CEP164: variants seen among roughly 807,000 people sequenced by gnomAD.
CEP164 encodes centrosomal protein of 164 kDa.
Under a neutral mutation model 182.7 loss-of-function variants are expected in CEP164, and 162 were observed. That is an observed-to-expected ratio of 0.89 (90% CI 0.78 to 1.01). The LOEUF (loss-of-function observed/expected upper bound fraction) is 1.01, where lower values mean the gene tolerates loss of function less well. CEP164 is among the 50% of genes least tolerant of loss of function. The pLI is 0.00. For missense variants in CEP164, 1,735 were observed against 1,790.4 expected, an observed-to-expected ratio of 0.97 and a Z score of 0.56; for synonymous variants, 661 against 690.0, an observed-to-expected ratio of 0.96 and a Z score of 0.66.
Position 117,378,974 on chromosome 11 carries a change from A to T in CEP164, c.1318-1640A>T, listed in dbSNP as rs561236742. 2.6e-5 allele frequency among the ~76,000 whole-genome samples: 4 copies of T among 152,046 alleles called. No individual in the cohort carries two copies. In the South Asian group the frequency reaches 8.3e-4, roughly 32 times the overall value. ...TACTATCACCCCCACTTCATTACTCATCTTATATTTTAGTTTGTTAAATGG... is the reference window on the plus strand; with the variant it reads ...TACTATCACCCCCACTTCATTACTCTTCTTATATTTTAGTTTGTTAAATGG... On this transcript the variant is annotated intron_variant, in intron 11 of 32. Transcript: ENST00000278935.
rs1323529877 is a variant in CEP164 at position 117,395,625 on chromosome 11, C to G, written c.2992C>G (p.Arg998Gly). Residue 998 changes from arginine to glycine, a missense_variant, in exon 24 of 33, where the codon CGA becomes GGA. Arg to Gly is a moderately radical substitution (Grantham distance 125). Transcript: ENST00000278935. ...CCTGTTGCAGTCAAACCAGCAGCTC[C>G]GAGAAATTCTTGATGAGCTGCAGGC... ...THLLQSNQQL[R>G]EILDELQARK... The G allele has an allele frequency of 1.2e-6, 2 of 1,613,918 alleles. No homozygotes were observed. Among genetic ancestry groups the G allele is most frequent in the Admixed American group, 1.7e-5 (1 of 60,020 alleles).
chr11:117,374,778 G>C (rs1157374093), intron 10 of CEP164, among the ~76,000 whole-genome samples: 1 of 152,242 alleles, frequency 6.6e-6, no homozygotes, highest in Non-Finnish European at 1.5e-5. Flanking sequence ...GTGCCCATCA[G>C]CGTTTTTCTT....
intron 27 of CEP164, 141 bp from the exon 28 acceptor site, chr11:117,407,784 G>A: frequency 1.7e-6 from 1 of 585,380 alleles, no homozygotes; most frequent in Non-Finnish European, 3.1e-6. Flanking sequence ...ACGACCCTGT[G>A]AAAAGTCATA....
At position 117,413,179 on chromosome 11, in the gene CEP164, C is replaced by T. The variant is rs1217324178; in HGVS notation, c.*1011C>T. On this transcript the variant is annotated 3_prime_UTR_variant, in exon 33 of 33. Transcript: ENST00000278935. ...GCAGCCCCGCTTCCATCAGCAGGCT[C>T]TGGGGTGGGGGCTTTGCAGGGGATG... The T allele has an allele frequency of 2.0e-5, 3 of 152,018 alleles. No individual in the cohort carries two copies. Among genetic ancestry groups the T allele is most frequent in the Non-Finnish European group, 4.4e-5 (3 of 68,008 alleles). The allele number at this position is 152,018 out of a possible 1,614,324, so 9.4% of individuals were successfully genotyped here. A position where few individuals can be genotyped will look rare whatever the true frequency, so the allele number is the denominator to read the frequency against.
At chr11:117,356,780 C>T (rs922383859) in intron 5 of CEP164, among the ~76,000 whole-genome samples, 2 of 152,224 alleles carry the variant, frequency 1.3e-5, no homozygotes, top group Non-Finnish European at 2.9e-5. Context: ...TATGGAATGA[C>T]ACATACTTGA....
rs1415123644 is a variant in CEP164 at position 117,322,112 on chromosome 11, C to CTTTA, written c.-98+7400_-98+7403dup. ...ATCAGGATATTTAGCATGACCACCA[C>CTTTA]TTTATTTATTTATTTATTTTTGAGG... On this transcript the variant is annotated intron_variant, in intron 1 of 4. Coordinates refer to the CEP164 transcript ENST00000525734. Among the ~76,000 whole-genome samples, 6 of 152,124 alleles carry CTTTA rather than the reference C, an allele frequency of 3.9e-5. No individual in the cohort carries two copies. In the East Asian group the frequency reaches 7.7e-4, roughly 20 times the overall value.
chr11:117,379,928 G>A (rs2043141945), intron 11 of CEP164, among the ~76,000 whole-genome samples: 1 of 118,366 alleles, frequency 8.4e-6, no homozygotes. Flanking sequence ...TGAGATTTTT[G>A]TTCTGTTTTG....
chr11:117,334,525 C>T (rs2036730971), intron 1 of CEP164, among the ~76,000 whole-genome samples: 1 of 152,182 alleles, frequency 6.6e-6, no homozygotes, highest in Non-Finnish European at 1.5e-5. Flanking sequence ...GTGGCTCCTG[C>T]CTGTAATTCC....
chr11:117,410,554 TC>T (rs1306004013), intron 30 of CEP164: 2 of 325,692 alleles, frequency 6.1e-6, no homozygotes, highest in Non-Finnish European at 1.1e-5. Context: ...CCAGGTGGCC[TC>T]CCCAGGTCTC....
rs148987415 is a variant in CEP164 at position 117,409,951 on chromosome 11, G to C, written c.4082G>C (p.Arg1361Pro). ...TVDDFLLEKWRKYFPSGIPLL... is the reference protein window; with the variant it reads ...TVDDFLLEKWPKYFPSGIPLL... The stretch of plus-strand genomic sequence containing the variant: ...GACGACTTCCTGTTGGAGAAGTGGC[G>C]CAAGTATTTTCCATGTAAGCCCCAC... The change falls in exon 30 of 33, where the codon CGC (arginine) becomes CCC (proline). Residue 1361 changes from arginine (R) to proline (P), a missense_variant. Coordinates refer to ENST00000278935, the MANE Select transcript of CEP164 (RefSeq NM_014956.5). The surrounding 1 kb of genome is among the most constrained non-coding windows in gnomAD (Gnocchi z 4.4). 6.2e-7 allele frequency: 1 copy of C among 1,614,096 alleles called. No individual in the cohort carries two copies. The highest frequency in any genetic ancestry group is 1.7e-5 in the Admixed American group (1 of 60,024).
At chr11:117,374,345 A>G (rs1211329143) in intron 10 of CEP164, among the ~76,000 whole-genome samples, 1 of 152,150 alleles carries the variant, frequency 6.6e-6, no homozygotes, top group Non-Finnish European at 1.5e-5. Flanking sequence ...AGCCTGCTGT[A>G]TCCTGGTTTC....
chr11:117,338,581 T>C lies in CEP164; in HGVS notation c.-6T>C. 1 of 1,613,728 alleles carries C rather than the reference T, an allele frequency of 6.2e-7. No homozygotes were observed. The highest frequency in any genetic ancestry group is 8.5e-7 in the Non-Finnish European group (1 of 1,179,618). On this transcript the variant is annotated 5_prime_UTR_variant, in exon 3 of 33. An upstream start codon of the reference 5' UTR is lost. Coordinates refer to ENST00000278935, the MANE Select transcript of CEP164 (RefSeq NM_014956.5). ...TGGGATCTAGGTGTTTGAGCCCAGA[T>C]GAGTCATGGCTGGACGACCCCTCCG...
At chr11:117,371,569 A>G (rs2042194559) in intron 9 of CEP164, 103 bp downstream of exon 9, 2 of 1,412,910 alleles carry the variant, frequency 1.4e-6, no homozygotes, top group East Asian at 2.3e-5. Flanking sequence ...CTGAGTCAGG[A>G]GCTTCATTTG....
chr11:117,350,577 A>C (rs950351758), intron 4 of CEP164, among the ~76,000 whole-genome samples: 2 of 151,686 alleles, frequency 1.3e-5, no homozygotes, highest in African/African-American at 4.8e-5. Flanking sequence ...TTTTACCCCG[A>C]TATTTTTTTA....
chr11:117,407,843 C>G, intron 27 of CEP164, 82 bp from the exon 28 acceptor site: 1 of 936,448 alleles, frequency 1.1e-6, no homozygotes, highest in Non-Finnish European at 1.7e-6. Flanking sequence ...TGTTCAAGAT[C>G]ACCCAGTCAG....
Position 117,344,146 on chromosome 11 carries a change from ACCTCTG to A in CEP164, c.83-14_83-9del, listed in dbSNP as rs1565432456. On this transcript the variant is annotated splice_polypyrimidine_tract_variant and intron_variant, in intron 3 of 32. Coordinates refer to ENST00000278935, the MANE Select transcript of CEP164 (RefSeq NM_014956.5). Reference sequence around the variant, plus strand: ...TTCTTTTCATCTCTCTTACTTTCCCACCTCTGCCTCTCCTTGCAGAAATTCTTGAAT... The same window carrying A: ...TTCTTTTCATCTCTCTTACTTTCCCACCTCTCCTTGCAGAAATTCTTGAAT... The A allele has an allele frequency of 6.7e-7, 1 of 1,484,424 alleles. No homozygotes were observed. The highest frequency in any genetic ancestry group is 1.8e-5 in the Admixed American group (1 of 56,136). 92.0% of individuals were successfully genotyped at this position (1,484,424 alleles called of 1,614,324 possible). A position where few individuals can be genotyped will look rare whatever the true frequency, so the allele number is the denominator to read the frequency against.
At chr11:117,356,313 T>G (rs1440952538) in intron 5 of CEP164, 1 of 1,130,226 alleles carries the variant, frequency 8.8e-7, no homozygotes, top group Non-Finnish European at 1.1e-6. Context: ...CCTGAGAGCA[T>G]GCAGGACATG....
chr11:117,411,065 C>G lies in CEP164; in HGVS notation c.4163+171C>G. ...CCCGCTTGCCTGGGTCTGAGGCGCC[C>G]CTCCATGACCAGGGGAAAGTCAAGT... On this transcript the variant is annotated intron_variant, in intron 31 of 32. Transcript: ENST00000278935. This position sits in a 1 kb window ranked among gnomAD's most constrained non-coding sequence, Gnocchi z 4.4. 1.7e-6 allele frequency: 1 copy of G among 603,530 alleles called. No individual in the cohort carries two copies. The allele number at this position is 603,530 out of a possible 1,614,324, so 37.4% of individuals were successfully genotyped here. A position where few individuals can be genotyped will look rare whatever the true frequency, so the allele number is the denominator to read the frequency against.
intron 26 of CEP164, 56 bp from the exon 27 acceptor site, chr11:117,397,034 AC>A: frequency 6.7e-7 from 1 of 1,493,656 alleles, no homozygotes. Context: ...GGGCTGTGTG[AC>A]CCAGAGCAGA....
Sources: gnomAD v4.1 joint callset for allele counts (sites outside exome capture counted in the v4.1 genomes callset) on GRCh38, gnomAD v4.1.1 for gene constraint, Gnocchi (gnomAD v3.1) non-coding constraint, MANE v1.5 for transcripts, NCBI Gene and HGNC (gene_info 2026-07-23, HGNC 2026-07-21) for gene names.